Variants in SCN10A observed in about 807,000 individuals in gnomAD.
The protein encoded by SCN10A is sodium channel protein type 10 subunit alpha.
Under a neutral mutation model 170.7 loss-of-function variants are expected in SCN10A, and 162 were observed. The observed-to-expected ratio is 0.95, with a 90% CI of 0.84 to 1.08. SCN10A has a LOEUF of 1.08. SCN10A is among the 50% of genes least tolerant of loss of function. The probability of loss-of-function intolerance (pLI) is 0.00; values close to 1 mark genes in which losing one functional copy is unlikely to be tolerated. For missense variants in SCN10A, 2,527 were observed against 2,436.9 expected (o/e 1.04, Z -0.78); for synonymous variants, 985 against 904.6 (o/e 1.09, Z -1.59).
At chr3:38,785,056 C>T (rs986731635) in intron 4 of SCN10A, among the ~76,000 whole-genome samples, 1 of 152,148 alleles carries the variant, frequency 6.6e-6, no homozygotes, top group Non-Finnish European at 1.5e-5. Context: ...GGCCATACTG[C>T]CCAAAGTAAT....
chr3:38,740,042 C>T (rs2063614889), intron 14 of SCN10A, among the ~76,000 whole-genome samples: 1 of 152,176 alleles, frequency 6.6e-6, no homozygotes, highest in Non-Finnish European at 1.5e-5. Flanking sequence ...CATCACAGAC[C>T]TGGATTAAAA....
At chr3:38,784,152 T>C (rs916635046) in intron 4 of SCN10A, among the ~76,000 whole-genome samples, 1 of 152,116 alleles carries the variant, frequency 6.6e-6, no homozygotes, top group Non-Finnish European at 1.5e-5. Flanking sequence ...TTCTTAATTA[T>C]AGTATACTAA....
intron 21 of SCN10A, among the ~76,000 whole-genome samples, chr3:38,717,979 T>C (rs1281519729): frequency 6.6e-6 from 1 of 152,228 alleles, no homozygotes; most frequent in Admixed American, 6.5e-5. Context: ...CAGGGATTAC[T>C]GGCCACAGGT....
At chr3:38,756,061 A>G in intron 10 of SCN10A, 103 bp from the exon 11 acceptor site, 2 of 1,275,072 alleles carry the variant, frequency 1.6e-6, no homozygotes, top group Non-Finnish European at 2.2e-6. Context: ...TCTGAAACAG[A>G]GAAGCTGAAG....
chr3:38,763,673 TG>T lies in SCN10A; in HGVS notation c.600-78del, dbSNP rs2063901246. The T allele has an allele frequency of 4.8e-6, 5 of 1,042,330 alleles. No individual in the cohort carries two copies. The Admixed American group carries it at 8.6e-5, about 18-fold the overall frequency. The allele number at this position is 1,042,330 out of a possible 1,614,324, so 64.6% of individuals were successfully genotyped here. The stretch of plus-strand genomic sequence containing the variant: ...GCATGCAGCATAAATAAGGATAACC[TG>T]GGGTATCATTAGCCTAGAAAGGATG... On this transcript the variant is annotated intron_variant, in intron 5 of 27. Transcript: ENST00000449082.
At chr3:38,726,474 C>T (rs2063456206) in intron 17 of SCN10A, 132 bp downstream of exon 17, 1 of 694,248 alleles carries the variant, frequency 1.4e-6, no homozygotes, top group Non-Finnish European at 2.3e-6. Flanking sequence ...ACGCCAACTC[C>T]TCTGGAAAGC....
chr3:38,781,587 G>A (rs1182979438), intron 4 of SCN10A, among the ~76,000 whole-genome samples: 1 of 152,052 alleles, frequency 6.6e-6, no homozygotes, highest in Non-Finnish European at 1.5e-5. Flanking sequence ...CTTTTTGCAG[G>A]TGAAACACTT....
At chr3:38,723,717 C>T (rs750002879) in intron 18 of SCN10A, among the ~76,000 whole-genome samples, 164 bp from the exon 19 acceptor site, 9 of 152,230 alleles carry the variant, frequency 5.9e-5, no homozygotes, top group Non-Finnish European at 1.3e-4. Flanking sequence ...CTGTGTGAGA[C>T]TGTAAACCTT....
At chr3:38,752,092 T>C in intron 12 of SCN10A, 127 bp downstream of exon 12, 1 of 742,414 alleles carries the variant, frequency 1.3e-6, no homozygotes, top group Non-Finnish European at 2.0e-6. Flanking sequence ...AAAAAAGGAG[T>C]AGAATGGGGA....
chr3:38,807,303 G>A (rs891553243), intron 1 of SCN10A, among the ~76,000 whole-genome samples: 1 of 152,112 alleles, frequency 6.6e-6, no homozygotes, highest in Non-Finnish European at 1.5e-5. Flanking sequence ...GGGATGCTGA[G>A]GTCACAGGTT....
At chr3:38,766,922 G>A (rs1003920336) in intron 5 of SCN10A, among the ~76,000 whole-genome samples, 1 of 151,954 alleles carries the variant, frequency 6.6e-6, no homozygotes, top group African/African-American at 2.4e-5. Flanking sequence ...TTATTGGTCT[G>A]TTTAGAGTTT....
intron 15 of SCN10A, among the ~76,000 whole-genome samples, chr3:38,734,671 G>A (rs1297772622): frequency 6.6e-6 from 1 of 152,084 alleles, no homozygotes; most frequent in Non-Finnish European, 1.5e-5. Context: ...TGATAAAAGA[G>A]AACTTCCTGA....
intron 1 of SCN10A, among the ~76,000 whole-genome samples, chr3:38,807,862 C>T (rs1457140159): frequency 2.6e-5 from 4 of 152,140 alleles, no homozygotes; most frequent in Non-Finnish European, 5.9e-5. Flanking sequence ...TTCACATGTG[C>T]GCCAACCACC....
In SCN10A at chr3:38,752,519, A is replaced by G; in HGVS notation, c.1462-7T>C. ...AGGCGAGGCCTAGAAAAGACTGGGC[A>G]TTGCCCCAAAGGAGCAAGAAGGCTG... On this transcript the variant is annotated splice_polypyrimidine_tract_variant and splice_region_variant and intron_variant, in intron 11 of 27. Coordinates refer to ENST00000449082, the MANE Select transcript of SCN10A (RefSeq NM_006514.4). 2.6e-6 allele frequency: 4 copies of G among 1,555,986 alleles called. No homozygotes were observed. The highest frequency in any genetic ancestry group is 3.5e-6 in the Non-Finnish European group (4 of 1,150,484).
In SCN10A at chr3:38,728,581, G is replaced by A. The variant is rs750420726; in HGVS notation, c.2601C>T (p.Leu867=). 4 of 1,607,330 alleles carry A rather than the reference G, an allele frequency of 2.5e-6. No homozygotes were observed. The East Asian group carries it at 6.7e-5, about 27-fold the overall frequency. ...CMEVGQKSIC[L]ILFLTVMVLG... ...GCACCATCACCGTCAAGAAAAGGAT[G>A]AGGCATATGGATTTTTGGCCAACTT... is the stretch of plus-strand genomic sequence containing the variant. The change falls in exon 16 of 28, where the codon CTC becomes CTT. Residue 867 remains leucine (L), a synonymous_variant. Transcript: ENST00000449082.
At chr3:38,808,929 T>C (rs1231658430) in intron 1 of SCN10A, among the ~76,000 whole-genome samples, 1 of 152,202 alleles carries the variant, frequency 6.6e-6, no homozygotes, top group Non-Finnish European at 1.5e-5. Context: ...TCTGCCAACT[T>C]GCTTTCTGAT....
intron 15 of SCN10A, among the ~76,000 whole-genome samples, chr3:38,729,917 C>T (rs1335875145): frequency 6.6e-6 from 1 of 152,170 alleles, no homozygotes; most frequent in Non-Finnish European, 1.5e-5. Flanking sequence ...GCTGTATGCA[C>T]CTCTTTATGT....
At chr3:38,746,627 C>T (rs774053639) in intron 13 of SCN10A, among the ~76,000 whole-genome samples, 1 of 152,118 alleles carries the variant, frequency 6.6e-6, no homozygotes, top group African/African-American at 2.4e-5. Context: ...CCCAACTCAT[C>T]CCTCTAGCCT....
chr3:38,741,046 A>G (rs1378615938), intron 14 of SCN10A, among the ~76,000 whole-genome samples: 1 of 152,130 alleles, frequency 6.6e-6, no homozygotes, highest in Non-Finnish European at 1.5e-5. Context: ...TCCAGAACCT[A>G]CTGCTGCCCC....
Sources: gnomAD v4.1 joint callset for allele counts (sites outside exome capture counted in the v4.1 genomes callset) on GRCh38, gnomAD v4.1.1 for gene constraint, MANE v1.5 for transcripts, NCBI Gene and HGNC (gene_info 2026-07-23, HGNC 2026-07-21) for gene names.